The following CHRDL1 variants were observed in gnomAD, a reference collection of about 807,000 sequenced individuals.
CHRDL1 encodes the protein chordin-like protein 1.
CHRDL1 carries 19 observed loss-of-function variants against 40.9 expected under a neutral mutation model. The observed-to-expected ratio is 0.46, with a 90% CI of 0.32 to 0.68. CHRDL1 has a LOEUF of 0.68. CHRDL1 is among the 30% of genes least tolerant of loss of function. The probability of loss-of-function intolerance (pLI) is 0.03; values close to 1 mark genes in which losing one functional copy is unlikely to be tolerated. For missense variants in CHRDL1, 329 were observed against 352.1 expected (o/e 0.93, Z 0.53); for synonymous variants, 136 against 123.4 (o/e 1.10, Z -0.68).
At chrX:110,762,308 G>A (rs1271022290) in intron 3 of CHRDL1, among the ~76,000 whole-genome samples, 3 of 111,808 alleles carry the variant, frequency 2.7e-5, no homozygotes, top group Non-Finnish European at 5.6e-5. Flanking sequence ...ATAGGGTCTT[G>A]TTCTGTCAAC....
intron 2 of CHRDL1, among the ~76,000 whole-genome samples, chrX:110,785,871 A>G (rs1411530033): frequency 8.9e-6 from 1 of 112,389 alleles, no homozygotes; most frequent in East Asian, 2.8e-4. Context: ...TTAAACATCT[A>G]TTTAACATTT....
At chrX:110,765,552 A>T (rs1407182475) in intron 2 of CHRDL1, among the ~76,000 whole-genome samples, 1 of 111,785 alleles carries the variant, frequency 8.9e-6, no homozygotes, top group African/African-American at 3.3e-5. Context: ...TATTTGTTGA[A>T]AAGGACCCCC....
Position 110,759,764 on chromosome X carries a change from A to T in CHRDL1, c.208-10T>A, listed in dbSNP as rs1315402696. 1 of 1,150,441 alleles carries T rather than the reference A, an allele frequency of 8.7e-7. No individual in the cohort carries two copies. Among genetic ancestry groups the T allele is most frequent in the African/African-American group, 1.8e-5 (1 of 56,229 alleles). 94.8% of individuals were successfully genotyped at this position (1,150,441 alleles called of 1,213,427 possible). The stretch of plus-strand genomic sequence containing the variant: ...AAAGCACATTCCCATTCTGAAAAAG[A>T]GAAGGCAATGAGAAAAAATAAATGT... On this transcript the variant is annotated splice_polypyrimidine_tract_variant and intron_variant, in intron 3 of 11. Coordinates refer to ENST00000372042, the MANE Select transcript of CHRDL1 (RefSeq NM_001143981.2).
At chrX:110,779,869 T>C (rs2089912851) in intron 2 of CHRDL1, among the ~76,000 whole-genome samples, 2 of 112,009 alleles carry the variant, frequency 1.8e-5, no homozygotes, top group South Asian at 7.4e-4. Flanking sequence ...CAGAATTTTA[T>C]AGCTTTCATC....
At position 110,742,177 on chromosome X, in the gene CHRDL1, T is replaced by C. The variant is rs887578250; in HGVS notation, c.301+17484A>G. On this transcript the variant is annotated intron_variant, in intron 4 of 11. Transcript: ENST00000372042. ...TAAGATATGGCCCTAGACTCCTCCC[T>C]GAAGCATCTTTAGTTCTAGGTTACT... 6.2e-5 allele frequency among the ~76,000 whole-genome samples: 7 copies of C among 112,311 alleles called. No individual in the cohort carries two copies. The South Asian group carries it at 1.9e-3, about 30-fold the overall frequency.
intron 4 of CHRDL1, among the ~76,000 whole-genome samples, chrX:110,748,783 A>G (rs932563377): frequency 3.6e-5 from 4 of 112,496 alleles, no homozygotes; most frequent in African/African-American, 1.3e-4. Flanking sequence ...TACTGAGAGT[A>G]GTCAAATTCA....
chrX:110,689,727 A>C (rs1469420384), intron 8 of CHRDL1, among the ~76,000 whole-genome samples: 1 of 45,498 alleles, frequency 2.2e-5, no homozygotes, highest in South Asian at 7.3e-4. Context: ...ATCTATATAT[A>C]TCTATATATC....
chrX:110,741,402 C>CA (rs1569476792), intron 4 of CHRDL1, among the ~76,000 whole-genome samples: 1 of 111,527 alleles, frequency 9.0e-6, no homozygotes, highest in Non-Finnish European at 1.9e-5. Context: ...AGTGCTTGCT[C>CA]AAAATGATTC....
rs2069769994 is a variant in CHRDL1, at chrX:110,676,039, C to T, written c.*192G>A. 2.7e-6 allele frequency: 1 copy of T among 368,328 alleles called. No homozygotes were observed. The highest frequency in any genetic ancestry group is 4.8e-5 in the Admixed American group (1 of 20,642). The allele number at this position is 368,328 out of a possible 1,213,427, so 30.4% of individuals were successfully genotyped here. On this transcript the variant is annotated 3_prime_UTR_variant, in exon 12 of 12. Transcript: ENST00000372042. The stretch of plus-strand genomic sequence containing the variant: ...ATATAATTTAAGACTCTTCTAGTCT[C>T]TTTGGAGGAGATGTTCAAGGGCTGA...
chrX:110,687,097 C>T (rs2070042132), intron 9 of CHRDL1, among the ~76,000 whole-genome samples: 1 of 110,414 alleles, frequency 9.1e-6, no homozygotes, highest in Non-Finnish European at 1.9e-5. Flanking sequence ...GCTTCTCAAG[C>T]TGTAATGTGC....
At chrX:110,760,577 G>A (rs1009733792) in intron 3 of CHRDL1, among the ~76,000 whole-genome samples, 3 of 111,675 alleles carry the variant, frequency 2.7e-5, no homozygotes, top group South Asian at 3.8e-4. Flanking sequence ...TTTTGACTGC[G>A]TTGCAGACAT....
intron 2 of CHRDL1, among the ~76,000 whole-genome samples, chrX:110,782,806 G>C (rs1313241307): frequency 8.9e-6 from 1 of 112,237 alleles, no homozygotes; most frequent in African/African-American, 3.2e-5. Flanking sequence ...TGTTCACGTG[G>C]CATTTATCCC....
chrX:110,727,661 A>G (rs1168718944), intron 4 of CHRDL1, among the ~76,000 whole-genome samples: 1 of 112,242 alleles, frequency 8.9e-6, no homozygotes, highest in Non-Finnish European at 1.9e-5. Flanking sequence ...TATAAATTAA[A>G]ACTGCAATGA....
At chrX:110,744,656 T>G (rs2071418729) in intron 4 of CHRDL1, among the ~76,000 whole-genome samples, 1 of 111,353 alleles carries the variant, frequency 9.0e-6, no homozygotes, top group South Asian at 3.8e-4. Flanking sequence ...GCCAACATGC[T>G]GAAAAATTAT....
chrX:110,766,854 C>T (rs1241456797), intron 2 of CHRDL1, among the ~76,000 whole-genome samples: 1 of 111,559 alleles, frequency 9.0e-6, no homozygotes. Flanking sequence ...GCCAGCATCA[C>T]CCTAACACCA....
At chrX:110,766,221 AC>A (rs903443654) in intron 2 of CHRDL1, among the ~76,000 whole-genome samples, 5 of 111,469 alleles carry the variant, frequency 4.5e-5, no homozygotes, top group African/African-American at 1.6e-4. Flanking sequence ...AAAGTGCATA[AC>A]CCTAAACACC....
intron 8 of CHRDL1, among the ~76,000 whole-genome samples, chrX:110,689,897 ATATATATC>A (rs2070210249): frequency 3.0e-5 from 2 of 66,529 alleles, no homozygotes; most frequent in East Asian, 3.5e-4. Context: ...CTATATATCT[ATATATATC>A]TATATATCTA....
At chrX:110,764,810 C>A (rs181100806) in intron 2 of CHRDL1, among the ~76,000 whole-genome samples, 14 of 110,651 alleles carry the variant, frequency 1.3e-4, no homozygotes, top group Non-Finnish European at 7.6e-5. Flanking sequence ...AATGGCTGCT[C>A]TGGGAGTGTC....
At chrX:110,713,142 C>T (rs759811996) in intron 6 of CHRDL1, among the ~76,000 whole-genome samples, 1 of 111,270 alleles carries the variant, frequency 9.0e-6, no homozygotes, top group Non-Finnish European at 1.9e-5. Context: ...AGTCTTCCTT[C>T]ACCTCCCTGA....
Sources: gnomAD v4.1 joint callset for allele counts (sites outside exome capture counted in the v4.1 genomes callset) on GRCh38, gnomAD v4.1.1 for gene constraint, MANE v1.5 for transcripts, NCBI Gene and HGNC (gene_info 2026-07-23, HGNC 2026-07-21) for gene names.